Variants in GSK3B observed in about 807,000 individuals in gnomAD.
The protein encoded by GSK3B is glycogen synthase kinase-3 beta.
Under a neutral mutation model 56.4 loss-of-function variants are expected in GSK3B, and 15 were observed. The ratio of observed to expected loss-of-function variants is 0.27; its 90% CI spans 0.18 to 0.41. The LOEUF is 0.41. Among genes scored for constraint, GSK3B ranks in the 10% least tolerant of loss-of-function variants. The probability of loss-of-function intolerance (pLI) is 1.00; values close to 1 mark genes in which losing one functional copy is unlikely to be tolerated. For synonymous variants in GSK3B, 181 were observed against 188.9 expected, an observed-to-expected ratio of 0.96 and a Z score of 0.34; for missense variants, 300 against 513.4, an observed-to-expected ratio of 0.58 and a Z score of 4.02.
intron 1 of GSK3B, among the ~76,000 whole-genome samples, chr3:120,089,569 TTC>T (rs1443878953): frequency 2.6e-5 from 4 of 152,228 alleles, no homozygotes; most frequent in Non-Finnish European, 4.4e-5. Flanking sequence ...GCTACTATTA[TTC>T]TCTCTTTGCT....
intron 2 of GSK3B, among the ~76,000 whole-genome samples, chr3:119,993,574 A>G (rs1326386618): frequency 1.3e-5 from 2 of 152,214 alleles, no homozygotes; most frequent in African/African-American, 2.4e-5. Flanking sequence ...CCCCAGGGAT[A>G]TGAGTTAGCA....
intron 6 of GSK3B, 42 bp from the exon 7 acceptor site, chr3:119,905,894 C>G: frequency 9.2e-7 from 1 of 1,083,106 alleles, no homozygotes; most frequent in South Asian, 1.3e-5. Flanking sequence ...TACTTCATAG[C>G]TTGAGCTGAA....
chr3:120,093,889 G>A lies in GSK3B; in HGVS notation c.-455C>T, dbSNP rs201837734. On this transcript the variant is annotated 5_prime_UTR_variant, in exon 1 of 11. Coordinates refer to ENST00000264235, the MANE Select transcript of GSK3B (RefSeq NM_001146156.2). ...GAGTCTCACGCTTGAAGAGAAAGGG[G>A]GATGGGTAGGAGGGAGGGAGAGGGA... 6.5e-5 allele frequency: 14 copies of A among 214,996 alleles called. No individual in the cohort carries two copies. Among genetic ancestry groups the A allele is most frequent in the African/African-American group, 1.6e-4 (7 of 44,050 alleles). 13.3% of individuals were successfully genotyped at this position (214,996 alleles called of 1,614,324 possible). A position where few individuals can be genotyped will look rare whatever the true frequency, so the allele number is the denominator to read the frequency against.
intron 7 of GSK3B, among the ~76,000 whole-genome samples, chr3:119,904,692 A>G (rs1559830549): frequency 6.6e-6 from 1 of 152,190 alleles, no homozygotes; most frequent in Non-Finnish European, 1.5e-5. Context: ...AAGCTGTCCA[A>G]TACAGAATAA....
intron 1 of GSK3B, among the ~76,000 whole-genome samples, chr3:120,089,212 C>A: frequency 6.6e-6 from 1 of 152,146 alleles, no homozygotes. Flanking sequence ...CACTGGGTTC[C>A]CTTGAAGTTT....
intron 1 of GSK3B, among the ~76,000 whole-genome samples, chr3:120,003,827 T>A (rs1380730429): frequency 2.0e-5 from 3 of 152,244 alleles, no homozygotes; most frequent in Admixed American, 6.5e-5. Context: ...CCCAGGAAGA[T>A]CTTTGCAGAA....
rs572728467 is a variant in GSK3B, at chr3:120,005,458, CCCAAGACACATAATTGT to C, written c.89-3236_89-3220del. Among the ~76,000 whole-genome samples the C allele has an allele frequency of 3.5e-3, 537 of 151,998 alleles. 2 individuals carry two copies. Among genetic ancestry groups the C allele is most frequent in the African/African-American group, 0.013 (523 of 41,462 alleles). ...AAAGATACTCCTCAAGAAGAGCAAC[CCCAAGACACATAATTGT>C]CAGATTCACCAAGGTTTAAATGAAG... On this transcript the variant is annotated intron_variant, in intron 1 of 10. Transcript: ENST00000264235.
At chr3:119,983,548 G>C (rs575519500) in intron 2 of GSK3B, among the ~76,000 whole-genome samples, 17 of 151,916 alleles carry the variant, frequency 1.1e-4, no homozygotes, top group Middle Eastern at 3.4e-3. Context: ...AAAAAAGCAG[G>C]GGTTGCAATC....
chr3:119,907,441 A>AT (rs2056693726), intron 6 of GSK3B, among the ~76,000 whole-genome samples: 1 of 152,170 alleles, frequency 6.6e-6, no homozygotes, highest in African/African-American at 2.4e-5. Flanking sequence ...CTATACTAGC[A>AT]GCCCTCAATT....
chr3:120,089,084 G>A (rs762417397), intron 1 of GSK3B, among the ~76,000 whole-genome samples: 2 of 152,118 alleles, frequency 1.3e-5, no homozygotes, highest in South Asian at 4.1e-4. Context: ...CTAATATAAG[G>A]GCTACACAGT....
intron 1 of GSK3B, among the ~76,000 whole-genome samples, chr3:120,034,566 C>CAT (rs1160665046): frequency 2.6e-5 from 4 of 152,172 alleles, no homozygotes; most frequent in Admixed American, 2.0e-4. Flanking sequence ...AACTAATGAT[C>CAT]ATACTCCATG....
intron 7 of GSK3B, among the ~76,000 whole-genome samples, chr3:119,892,656 CG>C (rs2056516473): frequency 6.6e-6 from 1 of 152,084 alleles, no homozygotes; most frequent in Admixed American, 6.6e-5. Context: ...ACTAAATTAA[CG>C]CATGTAGTTA....
chr3:119,916,428 AC>A (rs2056781907), intron 4 of GSK3B, among the ~76,000 whole-genome samples: 1 of 152,188 alleles, frequency 6.6e-6, no homozygotes, highest in South Asian at 2.1e-4. Context: ...AGAAAATTTT[AC>A]AATGTGCTTT....
At chr3:119,978,130 T>A (rs2057424532) in intron 2 of GSK3B, among the ~76,000 whole-genome samples, 1 of 151,972 alleles carries the variant, frequency 6.6e-6, no homozygotes, top group Non-Finnish European at 1.5e-5. Context: ...CCAAAGGGCA[T>A]CCCCCTAATG....
intron 1 of GSK3B, among the ~76,000 whole-genome samples, chr3:120,052,963 G>A (rs1475832176): frequency 2.0e-5 from 3 of 152,138 alleles, no homozygotes; most frequent in South Asian, 2.1e-4. Flanking sequence ...GTCAGAGTTC[G>A]TAAGTGTTAG....
At chr3:119,827,608 A>G (rs9875945) in intron 10 of GSK3B, among the ~76,000 whole-genome samples, 2 of 94,624 alleles carry the variant, frequency 2.1e-5, no homozygotes, top group African/African-American at 3.9e-5. Context: ...AAAAAAAAAA[A>G]AGAGAGAGAG....
chr3:120,030,278 T>G (rs148353954), intron 1 of GSK3B, among the ~76,000 whole-genome samples: 173 of 152,298 alleles, frequency 1.1e-3, no homozygotes, highest in Admixed American at 2.7e-3. Flanking sequence ...CCAGATTATC[T>G]CATGCATTCC....
intron 1 of GSK3B, among the ~76,000 whole-genome samples, chr3:120,012,466 A>C (rs975256675): frequency 1.6e-4 from 25 of 152,344 alleles, no homozygotes; most frequent in Non-Finnish European, 3.5e-4. Flanking sequence ...CAGCAGCAGG[A>C]ACTAGTTCAG....
chr3:120,061,684 T>C (rs918577543), intron 1 of GSK3B, among the ~76,000 whole-genome samples: 3 of 152,198 alleles, frequency 2.0e-5, no homozygotes, highest in Non-Finnish European at 4.4e-5. Flanking sequence ...GCAGAATTTC[T>C]GAAACTCTTC....
Sources: gnomAD v4.1 joint callset for allele counts (sites outside exome capture counted in the v4.1 genomes callset) on GRCh38, gnomAD v4.1.1 for gene constraint, MANE v1.5 for transcripts, NCBI Gene and HGNC (gene_info 2026-07-23, HGNC 2026-07-21) for gene names.